Variants in AP3D1 observed in about 807,000 individuals in gnomAD.
AP3D1 encodes the protein AP-3 complex subunit delta-1.
A neutral mutation model predicts 147.6 loss-of-function variants in AP3D1; 51 were observed. That is an observed-to-expected ratio of 0.35 (90% CI 0.28 to 0.44). AP3D1 has a LOEUF of 0.44. AP3D1 is among the 20% of genes least tolerant of loss of function. The pLI is 1.00. For synonymous variants in AP3D1, 760 were observed against 663.0 expected, an observed-to-expected ratio of 1.15 and a Z score of -2.25; for missense variants, 1,421 against 1,624.2, an observed-to-expected ratio of 0.87 and a Z score of 2.15.
At chr19:2,150,747 G>T (rs1341624088) in intron 1 of AP3D1, among the ~76,000 whole-genome samples, 14 of 152,214 alleles carry the variant, frequency 9.2e-5, no homozygotes, top group Non-Finnish European at 1.5e-4. Flanking sequence ...CCCTGCCTCG[G>T]TCTCCCGGGG....
chr19:2,135,550 C>T (rs1354389824), intron 4 of AP3D1, among the ~76,000 whole-genome samples: 2 of 152,152 alleles, frequency 1.3e-5, no homozygotes, highest in African/African-American at 4.8e-5. Context: ...CAAAACAAAA[C>T]AAAACAAACA....
chr19:2,127,896 C>T (rs1205487322), intron 8 of AP3D1, among the ~76,000 whole-genome samples: 1 of 152,240 alleles, frequency 6.6e-6, no homozygotes, highest in Admixed American at 6.5e-5. Context: ...TACAGCTTTA[C>T]AGTCACCTGC....
chr19:2,120,495 G>C (rs575608751), intron 14 of AP3D1, among the ~76,000 whole-genome samples: 1 of 152,206 alleles, frequency 6.6e-6, no homozygotes, highest in Non-Finnish European at 1.5e-5. Flanking sequence ...ACAGGGCTCA[G>C]AAGGGCTGCC....
intron 5 of AP3D1, among the ~76,000 whole-genome samples, chr19:2,131,560 G>A (rs1412934009): frequency 7.3e-6 from 1 of 137,170 alleles, no homozygotes; most frequent in Non-Finnish European, 1.5e-5. Context: ...CAGCCACGCG[G>A]GGACAGCGCC....
At chr19:2,149,543 C>CAAAA (rs34338190) in intron 1 of AP3D1, among the ~76,000 whole-genome samples, 1 of 115,054 alleles carries the variant, frequency 8.7e-6, no homozygotes, top group Non-Finnish European at 1.8e-5. Context: ...AACTCCGTCT[C>CAAAA]AAAAAAAAAA....
At chr19:2,147,097 C>A (rs959347308) in intron 1 of AP3D1, among the ~76,000 whole-genome samples, 4 of 152,208 alleles carry the variant, frequency 2.6e-5, no homozygotes, top group Admixed American at 2.6e-4. Flanking sequence ...GTCATCCCAG[C>A]TCTTTGGGAG....
chr19:2,164,133 G>T (rs1345337777), intron 1 of AP3D1: 2 of 431,318 alleles, frequency 4.6e-6, no homozygotes, highest in Non-Finnish European at 5.4e-6. Context: ...CGGCGGCCCC[G>T]CCCCTCCCCC....
intron 31 of AP3D1, among the ~76,000 whole-genome samples, chr19:2,105,824 G>A (rs1168639448): frequency 1.3e-5 from 2 of 152,126 alleles, no homozygotes; most frequent in African/African-American, 4.8e-5. Flanking sequence ...AGCCGGGCGC[G>A]GGGGCTCGTG....
chr19:2,120,591 G>C (rs2018581519), intron 14 of AP3D1, among the ~76,000 whole-genome samples: 1 of 152,192 alleles, frequency 6.6e-6, no homozygotes, highest in East Asian at 1.9e-4. Flanking sequence ...CCACCTCCCA[G>C]TCCTAGTGCC....
At chr19:2,138,987 G>C (rs1355002239) in intron 1 of AP3D1, among the ~76,000 whole-genome samples, 1 of 149,362 alleles carries the variant, frequency 6.7e-6, no homozygotes, top group Non-Finnish European at 1.5e-5. Context: ...TTAAACCTGG[G>C]AGGCAGAGGT....
At chr19:2,156,336 C>G (rs1170034223), upstream of AP3D1, among the ~76,000 whole-genome samples, 3 of 152,162 alleles carry the variant, frequency 2.0e-5, no homozygotes, top group Non-Finnish European at 2.9e-5. Context: ...TTCCACCTCC[C>G]CATCCACCCA....
intron 16 of AP3D1, chr19:2,116,949 T>TG: frequency 1.1e-6 from 1 of 869,970 alleles, no homozygotes; most frequent in Middle Eastern, 3.6e-4. Flanking sequence ...AGGGTCACAG[T>TG]GGGGCCCCCA....
chr19:2,155,199 T>TA (rs1419020185), upstream of AP3D1, among the ~76,000 whole-genome samples: 2 of 132,534 alleles, frequency 1.5e-5, no homozygotes, highest in Non-Finnish European at 3.2e-5. Flanking sequence ...AAAATAAAAA[T>TA]AAAAAAACAA....
At chr19:2,145,200 T>C (rs1164245823) in intron 1 of AP3D1, among the ~76,000 whole-genome samples, 2 of 152,218 alleles carry the variant, frequency 1.3e-5, no homozygotes, top group African/African-American at 4.8e-5. Context: ...CGCAGCTCCC[T>C]GAGGGCTGGA....
At chr19:2,141,932 A>C (rs1036053405) in intron 1 of AP3D1, among the ~76,000 whole-genome samples, 2 of 149,524 alleles carry the variant, frequency 1.3e-5, no homozygotes, top group Admixed American at 1.3e-4. Context: ...AAAATTATAT[A>C]TATTTATATA....
chr19:2,162,920 C>T (rs1191292368), intron 1 of AP3D1, among the ~76,000 whole-genome samples: 2 of 151,968 alleles, frequency 1.3e-5, no homozygotes, highest in Non-Finnish European at 2.9e-5. Flanking sequence ...GGTGGTGAAA[C>T]CGCCTTTGCA....
chr19:2,109,484 G>C (rs1211463768), intron 29 of AP3D1: 2 of 496,936 alleles, frequency 4.0e-6, no homozygotes, highest in East Asian at 6.9e-5. Context: ...CCTGTAGGAA[G>C]GGACTGGGGG....
At chr19:2,103,735 A>G (rs1490680121) in intron 31 of AP3D1, among the ~76,000 whole-genome samples, 1 of 152,192 alleles carries the variant, frequency 6.6e-6, no homozygotes, top group African/African-American at 2.4e-5. Flanking sequence ...CACGTCCTCC[A>G]CAGGATGGAA....
intron 31 of AP3D1, among the ~76,000 whole-genome samples, chr19:2,105,544 A>G (rs1035823803): frequency 2.6e-5 from 4 of 152,204 alleles, no homozygotes; most frequent in Admixed American, 6.5e-5. Flanking sequence ...AGTTAATTTA[A>G]TATCTATAGA....
Sources: gnomAD v4.1 joint callset for allele counts (sites outside exome capture counted in the v4.1 genomes callset) on GRCh38, gnomAD v4.1.1 for gene constraint, MANE v1.5 for transcripts, NCBI Gene and HGNC (gene_info 2026-07-23, HGNC 2026-07-21) for gene names.